Variants in ERBB4 observed in about 807,000 individuals in gnomAD.
ERBB4 encodes the protein erb-b2 receptor tyrosine kinase 4, also known as receptor tyrosine-protein kinase erbB-4.
In ERBB4, 42 loss-of-function variants were observed where a neutral mutation model predicts 158.0. That is an observed-to-expected ratio of 0.27 (90% CI 0.21 to 0.34). ERBB4 has a LOEUF of 0.34. ERBB4 is among the 10% of genes least tolerant of loss of function. The probability of loss-of-function intolerance (pLI) is 1.00; values close to 1 mark genes in which losing one functional copy is unlikely to be tolerated. For synonymous variants in ERBB4, 583 were observed against 558.7 expected, an observed-to-expected ratio of 1.04 and a Z score of -0.61; for missense variants, 1,333 against 1,624.1, an observed-to-expected ratio of 0.82 and a Z score of 3.08.
chr2:211,802,238 G>A (rs1209503083), intron 3 of ERBB4, among the ~76,000 whole-genome samples: 2 of 147,862 alleles, frequency 1.4e-5, no homozygotes, highest in African/African-American at 5.0e-5. Context: ...CGGCCTGGGC[G>A]AAAGAGCGAG....
intron 20 of ERBB4, chr2:211,561,640 C>T (rs1257515212): frequency 4.3e-6 from 2 of 470,244 alleles, no homozygotes; most frequent in Non-Finnish European, 3.9e-6. Context: ...TATAACAATT[C>T]CTCCCCCTGA....
chr2:211,892,729 A>T lies in ERBB4; in HGVS notation c.421+54701T>A, dbSNP rs866522933. Among the ~76,000 whole-genome samples the T allele has an allele frequency of 2.1e-5, 3 of 145,530 alleles. No homozygotes were observed. In the South Asian group the frequency reaches 6.3e-4, roughly 31 times the overall value. ...CAGCAAAGTCTCAGGATACAAAATC[A>T]ATGTACAAAATTCACAAGCATTCTT... On this transcript the variant is annotated intron_variant, in intron 3 of 27. Coordinates refer to ENST00000342788, the MANE Select transcript of ERBB4 (RefSeq NM_005235.3).
intron 16 of ERBB4, among the ~76,000 whole-genome samples, chr2:211,632,977 A>G (rs1208225018): frequency 1.5e-4 from 23 of 152,174 alleles, no homozygotes; most frequent in Non-Finnish European, 1.5e-5. Context: ...ATAAGAGGCC[A>G]AATTCTGCCT....
intron 16 of ERBB4, among the ~76,000 whole-genome samples, chr2:211,639,836 C>T (rs183261498): frequency 1.2e-4 from 19 of 152,222 alleles, no homozygotes; most frequent in African/African-American, 3.9e-4. Flanking sequence ...ACTCTCCTGA[C>T]TTAGCCTCCC....
chr2:211,675,808 A>ATATG (rs1553607860), intron 13 of ERBB4, among the ~76,000 whole-genome samples: 2 of 145,030 alleles, frequency 1.4e-5, no homozygotes, highest in African/African-American at 4.9e-5. Context: ...ATATATATAT[A>ATATG]TAACAAATAG....
chr2:212,222,790 G>C (rs1288917299), intron 1 of ERBB4, among the ~76,000 whole-genome samples: 1 of 151,436 alleles, frequency 6.6e-6, no homozygotes, highest in African/African-American at 2.4e-5. Context: ...TTGGGGGGTT[G>C]TTACGTGTTT....
chr2:211,999,142 A>G (rs1464170197), intron 2 of ERBB4, among the ~76,000 whole-genome samples: 1 of 151,832 alleles, frequency 6.6e-6, no homozygotes, highest in Admixed American at 6.6e-5. Flanking sequence ...GACCTATAAC[A>G]GACTTTAATA....
At chr2:212,179,136 C>T (rs2081772593) in intron 1 of ERBB4, among the ~76,000 whole-genome samples, 1 of 151,432 alleles carries the variant, frequency 6.6e-6, no homozygotes, top group Admixed American at 6.6e-5. Flanking sequence ...ATGTAAAGCT[C>T]CTATGTCTTT....
chr2:211,408,619 G>A (rs569764797), intron 25 of ERBB4, among the ~76,000 whole-genome samples: 1 of 152,342 alleles, frequency 6.6e-6, no homozygotes, highest in South Asian at 2.1e-4. Context: ...CAGCAGCCAA[G>A]TCTAGTGCTG....
chr2:212,003,541 T>A (rs1000911223), intron 2 of ERBB4, among the ~76,000 whole-genome samples: 3 of 151,398 alleles, frequency 2.0e-5, no homozygotes, highest in Admixed American at 2.0e-4. Flanking sequence ...AAACACCACC[T>A]CTCTACACCC....
In ERBB4 at chr2:212,105,258, G is replaced by A. The variant is rs180979333; in HGVS notation, c.234+19494C>T. Among the ~76,000 whole-genome samples the A allele has an allele frequency of 3.2e-4, 48 of 152,270 alleles. No homozygotes were observed. The South Asian group carries it at 4.1e-3, about 13-fold the overall frequency. On this transcript the variant is annotated intron_variant, in intron 2 of 27. Transcript: ENST00000342788. ...TTTTAAGATTATAGATCATGTGTGC[G>A]TTATTGCAGACGAGTGAGTCCAATG...
At position 212,034,831 on chromosome 2, in the gene ERBB4, T is replaced by C. The variant is rs73087375; in HGVS notation, c.235-87215A>G. Among the ~76,000 whole-genome samples the C allele has an allele frequency of 4.0e-3, 605 of 152,264 alleles. 3 individuals are homozygous for C. The highest frequency in any genetic ancestry group is 0.014 in the African/African-American group (565 of 41,568). On this transcript the variant is annotated intron_variant, in intron 2 of 27. Transcript: ENST00000342788. ...TTTTCTCTCATTTGATTATAAGAAATATATGTGAGACTGGTGCAAAAATGC... is the reference window on the plus strand; with the variant it reads ...TTTTCTCTCATTTGATTATAAGAAACATATGTGAGACTGGTGCAAAAATGC...
intron 1 of ERBB4, among the ~76,000 whole-genome samples, chr2:212,492,916 G>A (rs1690358894): frequency 6.6e-6 from 1 of 151,458 alleles, no homozygotes; most frequent in Admixed American, 6.6e-5. Flanking sequence ...CCATACAGTA[G>A]TCATTTATTA....
In ERBB4 at chr2:212,004,975, C is replaced by T. The variant is rs186738451; in HGVS notation, c.235-57359G>A. 3.6e-3 allele frequency among the ~76,000 whole-genome samples: 553 copies of T among 152,162 alleles called. 3 individuals carry two copies. The highest frequency in any genetic ancestry group is 5.1e-3 in the Non-Finnish European group (344 of 68,000). On this transcript the variant is annotated intron_variant, in intron 2 of 27. Coordinates refer to ENST00000342788, the MANE Select transcript of ERBB4 (RefSeq NM_005235.3). Reference sequence around the variant, plus strand: ...TATTTCTCATAGGTCCTTACTTAATCCTTCATTTGCATATTGGCTAATTGT... The same window carrying T: ...TATTTCTCATAGGTCCTTACTTAATTCTTCATTTGCATATTGGCTAATTGT...
chr2:211,551,847 G>A (rs2067106586), intron 20 of ERBB4, among the ~76,000 whole-genome samples: 3 of 152,128 alleles, frequency 2.0e-5, no homozygotes, highest in East Asian at 3.9e-4. Context: ...AAGAAATTAA[G>A]TTTCTTGTCA....
At chr2:212,149,443 G>A (rs1050760127) in intron 1 of ERBB4, among the ~76,000 whole-genome samples, 1 of 152,048 alleles carries the variant, frequency 6.6e-6, no homozygotes, top group Non-Finnish European at 1.5e-5. Flanking sequence ...AATTGAACAT[G>A]AAAATAAACA....
intron 2 of ERBB4, among the ~76,000 whole-genome samples, chr2:212,080,931 G>A (rs926645200): frequency 6.6e-6 from 1 of 152,096 alleles, no homozygotes; most frequent in Non-Finnish European, 1.5e-5. Flanking sequence ...TCATTTGATA[G>A]GTCACTTAAA....
intron 3 of ERBB4, 151 bp from the exon 4 acceptor site, chr2:211,788,310 GAATCA>G: frequency 1.5e-6 from 1 of 649,002 alleles, no homozygotes; most frequent in Non-Finnish European, 2.7e-6. Context: ...ATCTTTCAAT[GAATCA>G]TATACATTGA....
chr2:211,846,281 T>G (rs2077587566), intron 3 of ERBB4, among the ~76,000 whole-genome samples: 1 of 152,078 alleles, frequency 6.6e-6, no homozygotes. Flanking sequence ...GACACTTTTT[T>G]TCATAAAAGA....
Sources: gnomAD v4.1 joint callset for allele counts (sites outside exome capture counted in the v4.1 genomes callset) on GRCh38, gnomAD v4.1.1 for gene constraint, MANE v1.5 for transcripts, NCBI Gene and HGNC (gene_info 2026-07-23, HGNC 2026-07-21) for gene names.